The following BAIAP2 variants were observed in gnomAD, a reference collection of about 807,000 sequenced individuals.
BAIAP2 encodes the protein BAR/IMD domain containing adaptor protein 2.
In BAIAP2, 18 loss-of-function variants were observed where a neutral mutation model predicts 63.0. The observed-to-expected ratio is 0.29, with a 90% CI of 0.20 to 0.42. BAIAP2 has a LOEUF of 0.42. Among genes scored for constraint, BAIAP2 ranks in the 10% least tolerant of loss-of-function variants. BAIAP2 has a pLI of 1.00. For synonymous variants in BAIAP2, 386 were observed against 307.6 expected, an observed-to-expected ratio of 1.25 and a Z score of -2.67; for missense variants, 610 against 734.3, an observed-to-expected ratio of 0.83 and a Z score of 1.96.
chr17:81,050,750 C>T (rs2048544210), intron 1 of BAIAP2, among the ~76,000 whole-genome samples: 1 of 146,272 alleles, frequency 6.8e-6, no homozygotes, highest in East Asian at 2.0e-4. Context: ...CACGTGGACA[C>T]ACATGCACAC....
chr17:81,072,827 G>A (rs1037865728), intron 3 of BAIAP2, among the ~76,000 whole-genome samples: 3 of 152,006 alleles, frequency 2.0e-5, no homozygotes, highest in Admixed American at 1.3e-4. Context: ...CTGCTGAGCA[G>A]GTGAACACAC....
chr17:81,075,305 A>G (rs1040450276), intron 3 of BAIAP2, among the ~76,000 whole-genome samples: 4 of 151,970 alleles, frequency 2.6e-5, no homozygotes, highest in Non-Finnish European at 5.9e-5. Flanking sequence ...CTCCCTCCCC[A>G]TCCCTTCCCC....
intron 3 of BAIAP2, among the ~76,000 whole-genome samples, chr17:81,077,374 C>T (rs569307316): frequency 1.3e-3 from 195 of 152,190 alleles, no homozygotes; most frequent in African/African-American, 4.2e-3. Flanking sequence ...TGAGACCAGC[C>T]TGGCCAACAC....
Position 81,109,386 on chromosome 17 carries a change from A to G in BAIAP2, c.1535+877A>G, listed in dbSNP as rs1178212717. On this transcript the variant is annotated intron_variant, in intron 13 of 13. Transcript: ENST00000428708. ...AAGAAAAATCTTAAAAAAAAAAAAA[A>G]AAAAAAAAAGAAAAAAAGAAAAACA... 3.9e-5 allele frequency: 40 copies of G among 1,012,852 alleles called. No individual in the cohort carries two copies. The Middle Eastern group carries it at 2.9e-3, about 73-fold the overall frequency. 62.7% of individuals were successfully genotyped at this position (1,012,852 alleles called of 1,614,324 possible). A position where few individuals can be genotyped will look rare whatever the true frequency, so the allele number is the denominator to read the frequency against.
At chr17:81,050,037 G>T (rs554671728) in intron 1 of BAIAP2, among the ~76,000 whole-genome samples, 2 of 152,336 alleles carry the variant, frequency 1.3e-5, no homozygotes, top group African/African-American at 4.8e-5. Context: ...GGGCTCTTCA[G>T]GGGCCACTGG....
rs2049810278 is a variant in BAIAP2 at position 81,057,606 on chromosome 17, C to A, written c.131-275C>A. The A allele has an allele frequency of 4.2e-6, 5 of 1,182,858 alleles. No individual in the cohort carries two copies. The African/African-American group carries it at 7.9e-5, about 19-fold the overall frequency. 73.3% of individuals were successfully genotyped at this position (1,182,858 alleles called of 1,614,324 possible). ...CTGCCTGGTAGCACGTGATAGGGAT[C>A]AGCTCTCTGCAATTTGACTTGAATA... On this transcript the variant is annotated intron_variant, in intron 2 of 13. Coordinates refer to ENST00000428708, the MANE Select transcript of BAIAP2 (RefSeq NM_001144888.2).
At chr17:81,055,403 T>A (rs1036572887) in intron 2 of BAIAP2, among the ~76,000 whole-genome samples, 1 of 151,990 alleles carries the variant, frequency 6.6e-6, no homozygotes, top group African/African-American at 2.4e-5. Flanking sequence ...ACCTCCTGTT[T>A]GCACCCGGCA....
At chr17:81,107,173 C>T (rs939014085) in intron 12 of BAIAP2, 80 of 480,228 alleles carry the variant, frequency 1.7e-4, no homozygotes, top group Non-Finnish European at 2.7e-4. Context: ...CAGCCAGCCA[C>T]GGGCAACTCA....
At chr17:81,104,852 G>A in intron 10 of BAIAP2, 137 bp downstream of exon 10, 1 of 932,696 alleles carries the variant, frequency 1.1e-6, no homozygotes, top group South Asian at 1.6e-5. Flanking sequence ...GAAGACCTGG[G>A]CAGTGAGAGC....
chr17:81,091,435 G>GC (rs1048251173), intron 6 of BAIAP2, among the ~76,000 whole-genome samples: 4 of 152,210 alleles, frequency 2.6e-5, no homozygotes, highest in Admixed American at 2.6e-4. Context: ...GCTGGGGGCA[G>GC]CCCGGGGGTG....
chr17:81,049,909 C>T (rs2048397840), intron 1 of BAIAP2, among the ~76,000 whole-genome samples: 1 of 152,228 alleles, frequency 6.6e-6, no homozygotes, highest in Non-Finnish European at 1.5e-5. Flanking sequence ...CCACACGGGC[C>T]CACTGGGTCA....
chr17:81,061,426 G>A (rs908185528), intron 3 of BAIAP2, among the ~76,000 whole-genome samples: 2 of 152,060 alleles, frequency 1.3e-5, no homozygotes, highest in East Asian at 1.9e-4. Flanking sequence ...AAGAGTCCTC[G>A]GGCCCTCCCT....
intron 13 of BAIAP2, chr17:81,108,902 G>A (rs548559374): frequency 4.5e-5 from 68 of 1,524,716 alleles, no homozygotes; most frequent in East Asian, 2.0e-4. Flanking sequence ...CGGTGCTGGC[G>A]GACTCGCCGC....
rs1319275232 is a variant in BAIAP2, at chr17:81,057,898, A to C, written c.148A>C (p.Lys50Gln). The change falls in exon 3 of 14, where the codon AAA becomes CAA. Residue 50 changes from lysine (K) to glutamine (Q), a missense_variant. Transcript: ENST00000428708. ...KALAGVTYAA[K>Q]GYFDALVKMG... Reference sequence around the variant, plus strand: ...TCTCTCAGGTGTGACGTATGCAGCCAAAGGCTACTTTGACGCCCTGGTGAA... The same window carrying C: ...TCTCTCAGGTGTGACGTATGCAGCCCAAGGCTACTTTGACGCCCTGGTGAA... 8.7e-6 allele frequency: 14 copies of C among 1,601,202 alleles called. No individual in the cohort carries two copies. The highest frequency in any genetic ancestry group is 5.1e-5 in the Admixed American group (3 of 58,912).
In BAIAP2 at chr17:81,108,514, G is replaced by A. The variant is rs1440096418; in HGVS notation, c.1535+5G>A. On this transcript the variant is annotated splice_donor_5th_base_variant and intron_variant, in intron 13 of 13. Coordinates refer to ENST00000428708, the MANE Select transcript of BAIAP2 (RefSeq NM_001144888.2). ...TGGAGCGCGGTCCATGAGCAGGTAA[G>A]GGGACTTTCAGACCTGTCTTTGGGA... The A allele has an allele frequency of 6.2e-7, 1 of 1,613,894 alleles. No homozygotes were observed. The highest frequency in any genetic ancestry group is 8.5e-7 in the Non-Finnish European group (1 of 1,180,014).
intron 3 of BAIAP2, among the ~76,000 whole-genome samples, chr17:81,073,033 T>C (rs548539825): frequency 1.3e-5 from 2 of 152,212 alleles, no homozygotes; most frequent in South Asian, 4.2e-4. Flanking sequence ...ACCTCCAGGA[T>C]GACCCCCAGC....
intron 10 of BAIAP2, 128 bp from the exon 11 acceptor site, chr17:81,105,950 T>G (rs1264739605): frequency 4.0e-6 from 3 of 756,908 alleles, no homozygotes; most frequent in Non-Finnish European, 6.6e-6. Flanking sequence ...GAGCACTGTC[T>G]CTGTTGCTCC....
rs372506615 is a variant in BAIAP2 at position 81,050,385 on chromosome 17, G to A, written c.55-3283G>A. Among the ~76,000 whole-genome samples, 261 of 147,648 alleles carry A rather than the reference G, an allele frequency of 1.8e-3. 1 individual carries two copies. The highest frequency in any genetic ancestry group is 5.9e-3 in the African/African-American group (240 of 41,018). On this transcript the variant is annotated intron_variant, in intron 1 of 13. Transcript: ENST00000428708. ...GCCCGCTGTCTCCTGCATTCCTTCC[G>A]TGTGAGCTCAGCTGCTGCACTAAGG...
At chr17:81,076,197 C>T (rs2144986234) in intron 3 of BAIAP2, 1 of 152,342 alleles carries the variant, frequency 6.6e-6, no homozygotes, top group African/African-American at 2.4e-5. Flanking sequence ...CCATCTGCAG[C>T]TTAACTCATT....
Sources: gnomAD v4.1 joint callset for allele counts (sites outside exome capture counted in the v4.1 genomes callset) on GRCh38, gnomAD v4.1.1 for gene constraint, MANE v1.5 for transcripts, NCBI Gene and HGNC (gene_info 2026-07-23, HGNC 2026-07-21) for gene names.